SSH1: variants seen among roughly 807,000 people sequenced by gnomAD.
SSH1 encodes protein phosphatase Slingshot homolog 1.
SSH1 carries 43 observed loss-of-function variants against 79.7 expected under a neutral mutation model. The ratio of observed to expected loss-of-function variants is 0.54; its 90% CI spans 0.42 to 0.70. The LOEUF is 0.70. SSH1 is among the 30% of genes least tolerant of loss of function. The probability of loss-of-function intolerance (pLI) is 0.00; values close to 1 mark genes in which losing one functional copy is unlikely to be tolerated. For synonymous variants in SSH1, 599 were observed against 538.3 expected, an observed-to-expected ratio of 1.11 and a Z score of -1.56; for missense variants, 1,206 against 1,358.8, an observed-to-expected ratio of 0.89 and a Z score of 1.77.
intron 3 of SSH1, among the ~76,000 whole-genome samples, chr12:108,821,202 AGT>A (rs2038103897): frequency 7.2e-6 from 1 of 139,014 alleles, no homozygotes; most frequent in South Asian, 2.5e-4. Context: ...CAACATAGTG[AGT>A]GAGACCTCAT....
At chr12:108,810,351 G>A (rs908191066) in intron 6 of SSH1, among the ~76,000 whole-genome samples, 18 of 151,640 alleles carry the variant, frequency 1.2e-4, no homozygotes, top group African/African-American at 3.9e-4. Context: ...GTGAAACCCC[G>A]TCTTTACTAA....
rs542403747 is a variant in SSH1, at chr12:108,812,125, T to G, written c.402-797A>C. ...TGCAGGACTCTTCTCAACCCCATGC[T>G]TCTATATCTGTGGGGAAGGTTGTTC... On this transcript the variant is annotated intron_variant, in intron 5 of 14. Coordinates refer to ENST00000326495, the MANE Select transcript of SSH1 (RefSeq NM_018984.4). Among the ~76,000 whole-genome samples the G allele has an allele frequency of 7.9e-4, 121 of 152,260 alleles. 1 individual carries two copies. Among genetic ancestry groups the G allele is most frequent in the Non-Finnish European group, 1.4e-3 (93 of 68,006 alleles).
chr12:108,836,792 T>C (rs1418860282), intron 2 of SSH1: 1 of 400,864 alleles, frequency 2.5e-6, no homozygotes, highest in African/African-American at 2.0e-5. Flanking sequence ...GGAAATCAAG[T>C]GCCACCTTAT....
chr12:108,823,076 T>G (rs559507971), intron 3 of SSH1, among the ~76,000 whole-genome samples, 182 bp downstream of exon 3: 1 of 152,110 alleles, frequency 6.6e-6, no homozygotes, highest in Non-Finnish European at 1.5e-5. Flanking sequence ...ACATAAAAGG[T>G]TGGAAAATGT....
rs750644016 is a variant in SSH1 at position 108,805,204 on chromosome 12, AG to A, written c.826-21del. The stretch of plus-strand genomic sequence containing the variant: ...ACGAATCTGTGGAGTAGAAAATATT[AG>A]GAAAAGTGATTTGTTAAAGAAAACA... On this transcript the variant is annotated intron_variant, in intron 9 of 14. Transcript: ENST00000326495. 13 of 1,605,366 alleles carry A rather than the reference AG, an allele frequency of 8.1e-6. 1 individual carries two copies. The South Asian group carries it at 1.3e-4, about 16-fold the overall frequency.
intron 6 of SSH1, among the ~76,000 whole-genome samples, chr12:108,810,689 A>G (rs1207389820): frequency 6.6e-6 from 1 of 152,156 alleles, no homozygotes; most frequent in Non-Finnish European, 1.5e-5. Flanking sequence ...CCACTTTCCT[A>G]TTCTGTTTCT....
Position 108,811,285 on chromosome 12 carries a change from T to C in SSH1, c.445A>G (p.Thr149Ala). The C allele has an allele frequency of 6.2e-7, 1 of 1,614,216 alleles. No individual in the cohort carries two copies. Among genetic ancestry groups the C allele is most frequent in the East Asian group, 2.2e-5 (1 of 44,886 alleles). Reference sequence around the variant, plus strand: ...CCATCTCCATCAAGGTGGATTTTCGTGTCGCTCCACAGTCGGAGAACCATC... The same window carrying C: ...CCATCTCCATCAAGGTGGATTTTCGCGTCGCTCCACAGTCGGAGAACCATC... ...IGMVLRLWSD[T>A]KIHLDGDGGF... The change falls in exon 6 of 15, where the codon ACG becomes GCG. Residue 149 changes from threonine to alanine, a missense_variant. Physicochemically the swap from Thr to Ala is moderately conservative, Grantham distance 58. Transcript: ENST00000326495.
At chr12:108,800,540 T>C (rs944042641) in intron 12 of SSH1, among the ~76,000 whole-genome samples, 14 of 151,442 alleles carry the variant, frequency 9.2e-5, no homozygotes, top group African/African-American at 3.2e-4. Flanking sequence ...CTAAGCTCAA[T>C]AGGGACTCTA....
At position 108,783,844 on chromosome 12, in the gene SSH1, T is replaced by C. The variant is rs945965728; in HGVS notation, c.*4144A>G. 2.6e-5 allele frequency: 4 copies of C among 152,246 alleles called. No individual in the cohort carries two copies. Among genetic ancestry groups the C allele is most frequent in the South Asian group, 2.1e-4 (1 of 4,824 alleles). The allele number at this position is 152,246 out of a possible 1,614,324, so 9.4% of individuals were successfully genotyped here. A position where few individuals can be genotyped will look rare whatever the true frequency, so the allele number is the denominator to read the frequency against. ...GACAGGGGTCATTCAACAACCTTCA[T>C]TTGGTTTGCAATGTCTGCAGGAATC... is the stretch of plus-strand genomic sequence containing the variant. On this transcript the variant is annotated 3_prime_UTR_variant, in exon 15 of 15. Transcript: ENST00000326495.
intron 2 of SSH1, among the ~76,000 whole-genome samples, chr12:108,844,105 G>A (rs947014175): frequency 2.6e-5 from 4 of 152,012 alleles, no homozygotes; most frequent in Non-Finnish European, 4.4e-5. Context: ...GAAGGGGTTC[G>A]CATCATGAGC....
At position 108,828,035 on chromosome 12, in the gene SSH1, C is replaced by T. The variant is rs114937902; in HGVS notation, c.111-4674G>A. 8.8e-3 allele frequency among the ~76,000 whole-genome samples: 1,344 copies of T among 152,250 alleles called. 23 individuals are homozygous for T. The highest frequency in any genetic ancestry group is 0.031 in the African/African-American group (1,297 of 41,524). On this transcript the variant is annotated intron_variant, in intron 2 of 14. Coordinates refer to ENST00000326495, the MANE Select transcript of SSH1 (RefSeq NM_018984.4). ...CCCAAACCCTCCAGGCACAAGCCAG[C>T]CAAGAGCTGTGTTTTTAGCGTTTCT... is the stretch of plus-strand genomic sequence containing the variant.
rs111378007 is a variant in SSH1 at position 108,824,248 on chromosome 12, A to T, written c.111-887T>A. The stretch of plus-strand genomic sequence containing the variant: ...CACTTGAGGTCAGGAGTTCGAGACC[A>T]GTCTGGCCAACATGGTGAAACCCTG... On this transcript the variant is annotated intron_variant, in intron 2 of 14. Coordinates refer to ENST00000326495, the MANE Select transcript of SSH1 (RefSeq NM_018984.4). Among the ~76,000 whole-genome samples, 15 of 152,314 alleles carry T rather than the reference A, an allele frequency of 9.8e-5. 1 individual carries two copies. The highest frequency in any genetic ancestry group is 3.6e-4 in the African/African-American group (15 of 41,560).
chr12:108,802,405 CAT>C (rs1335078618), intron 10 of SSH1, 37 bp from the exon 11 acceptor site: 3 of 1,605,994 alleles, frequency 1.9e-6, no homozygotes, highest in East Asian at 4.5e-5. Flanking sequence ...GTGAGTGTCA[CAT>C]GTCAGCCTCA....
At chr12:108,828,257 G>C (rs537695728) in intron 2 of SSH1, among the ~76,000 whole-genome samples, 2 of 152,264 alleles carry the variant, frequency 1.3e-5, no homozygotes, top group East Asian at 3.9e-4. Context: ...GTGACCAAGC[G>C]ATCCTCCCTA....
chr12:108,788,131 C>T lies in SSH1; in HGVS notation c.3007G>A (p.Asp1003Asn). Residue 1003 changes from aspartate (D) to asparagine (N), a missense_variant, in exon 15 of 15, where the codon GAC becomes AAC. Physicochemically the swap from Asp to Asn is conservative, Grantham distance 23. Around this residue, in one of 5 missense-constraint regions of SSH1, gnomAD observed 709 missense variants for 730.6 expected, o/e 0.97. Transcript: ENST00000326495. ...SSEADPSTVA[D>N]SQDTTLSESS... ...TCACTCAAAGTGGTGTCCTGGGAGT[C>T]AGCGACGGTGGACGGGTCAGCCTCA... 1.9e-6 allele frequency: 3 copies of T among 1,614,022 alleles called. No homozygotes were observed. The highest frequency in any genetic ancestry group is 2.5e-6 in the Non-Finnish European group (3 of 1,180,026).
rs147912023 is a variant in SSH1 at position 108,848,963 on chromosome 12, T to A, written c.110+3675A>T. 8.0e-4 allele frequency among the ~76,000 whole-genome samples: 121 copies of A among 152,180 alleles called. No individual in the cohort carries two copies. The East Asian group carries it at 0.021, about 27-fold the overall frequency. On this transcript the variant is annotated intron_variant, in intron 2 of 14. Coordinates refer to ENST00000326495, the MANE Select transcript of SSH1 (RefSeq NM_018984.4). ...GTGCTGGCCCTGGCGCTGCTGCTAATCCACCCCAGTGGACTTAGGCATGCT... is the reference window on the plus strand; with the variant it reads ...GTGCTGGCCCTGGCGCTGCTGCTAAACCACCCCAGTGGACTTAGGCATGCT...
At chr12:108,848,467 C>T (rs977978371) in intron 2 of SSH1, among the ~76,000 whole-genome samples, 6 of 152,184 alleles carry the variant, frequency 3.9e-5, no homozygotes, top group African/African-American at 1.2e-4. Context: ...AGCTCACCTT[C>T]AGGATCCATT....
intron 2 of SSH1, among the ~76,000 whole-genome samples, chr12:108,843,691 T>C (rs2038830958): frequency 2.0e-5 from 3 of 152,056 alleles, no homozygotes; most frequent in Non-Finnish European, 2.9e-5. Flanking sequence ...CGCGCCACCA[T>C]ACTCGGCTAA....
At chr12:108,841,393 C>T (rs1014648271) in intron 2 of SSH1, among the ~76,000 whole-genome samples, 11 of 152,256 alleles carry the variant, frequency 7.2e-5, no homozygotes, top group African/African-American at 1.4e-4. Context: ...ACCTACTAGA[C>T]TCTGAGCAAA....
Sources: gnomAD v4.1 joint callset for allele counts (sites outside exome capture counted in the v4.1 genomes callset) on GRCh38, gnomAD v4.1.1 for gene constraint, gnomAD v4.1.1 regional missense constraint, MANE v1.5 for transcripts, NCBI Gene and HGNC (gene_info 2026-07-23, HGNC 2026-07-21) for gene names.